The following TNFRSF21 variants were observed in gnomAD, a reference collection of about 807,000 sequenced individuals.
TNFRSF21 encodes tumor necrosis factor receptor superfamily member 21.
TNFRSF21 carries 19 observed loss-of-function variants against 45.6 expected under a neutral mutation model. The observed-to-expected ratio is 0.42, with a 90% CI of 0.29 to 0.61. The LOEUF is 0.61. TNFRSF21 is among the 20% of genes least tolerant of loss of function. The pLI, the probability that TNFRSF21 is intolerant of heterozygous loss-of-function variation, is 0.23. For synonymous variants in TNFRSF21, 314 were observed against 335.5 expected, an observed-to-expected ratio of 0.94 and a Z score of 0.70; for missense variants, 737 against 851.5, an observed-to-expected ratio of 0.87 and a Z score of 1.67.
chr6:47,281,902 T>C (rs1762572370), intron 3 of TNFRSF21, among the ~76,000 whole-genome samples: 1 of 152,000 alleles, frequency 6.6e-6, no homozygotes, highest in Admixed American at 6.6e-5. Flanking sequence ...TAAATAGTTG[T>C]CTTATTCAAG....
chr6:47,271,947 A>G (rs929958111), intron 3 of TNFRSF21, among the ~76,000 whole-genome samples: 11 of 152,232 alleles, frequency 7.2e-5, no homozygotes, highest in African/African-American at 2.4e-4. Flanking sequence ...AAAGGGATCA[A>G]TTTGACAAGA....
chr6:47,309,298 C>A, intron 1 of TNFRSF21, 118 bp downstream of exon 1: 1 of 1,382,448 alleles, frequency 7.2e-7, no homozygotes, highest in East Asian at 3.0e-5. Context: ...GTGCCCGTAA[C>A]CCAGTCGGCC....
intron 4 of TNFRSF21, among the ~76,000 whole-genome samples, chr6:47,241,217 T>C (rs921765437): frequency 1.3e-5 from 2 of 152,206 alleles, no homozygotes; most frequent in African/African-American, 4.8e-5. Context: ...GGATTTCAGA[T>C]ATAAATAAGG....
chr6:47,287,393 CT>C (rs1762667493), intron 1 of TNFRSF21, among the ~76,000 whole-genome samples: 1 of 143,082 alleles, frequency 7.0e-6, no homozygotes, highest in Non-Finnish European at 1.5e-5. Context: ...AACTTGCTGA[CT>C]TTTTAACATT....
intron 3 of TNFRSF21, among the ~76,000 whole-genome samples, chr6:47,281,583 G>C (rs1003468914): frequency 6.6e-6 from 1 of 152,132 alleles, no homozygotes; most frequent in Non-Finnish European, 1.5e-5. Flanking sequence ...GTTTCGCCAT[G>C]TTGGCCAGGC....
intron 2 of TNFRSF21, among the ~76,000 whole-genome samples, chr6:47,284,681 C>T (rs776393030): frequency 6.6e-6 from 1 of 152,214 alleles, no homozygotes; most frequent in Non-Finnish European, 1.5e-5. Context: ...CTTAAGGATC[C>T]AACAGCTGAG....
Position 47,281,465 on chromosome 6 carries a change from C to T in TNFRSF21, c.1243+2473G>A, listed in dbSNP as rs139044907. 3.2e-3 allele frequency among the ~76,000 whole-genome samples: 493 copies of T among 151,970 alleles called. 9 individuals are homozygous for T. The East Asian group carries it at 0.034, about 10-fold the overall frequency. ...GCACGATCCTGGCTCACTGCAACCT[C>T]CGCCTCCCAGGTTCAAGTGATTCTC... is the stretch of plus-strand genomic sequence containing the variant. On this transcript the variant is annotated intron_variant, in intron 3 of 5. Coordinates refer to ENST00000296861, the MANE Select transcript of TNFRSF21 (RefSeq NM_014452.5).
At position 47,239,393 on chromosome 6, in the gene TNFRSF21, TG is replaced by T. The variant is rs1228961542; in HGVS notation, c.1510-4496del. 3.1e-4 allele frequency among the ~76,000 whole-genome samples: 47 copies of T among 151,878 alleles called. 1 individual carries two copies. The highest frequency in any genetic ancestry group is 5.9e-5 in the Non-Finnish European group (4 of 67,996). The stretch of plus-strand genomic sequence containing the variant: ...CCCTGTTGACTGACCTTTCCTGAGA[TG>T]ACACACTGGTGGAGGTTGCAGTATT... On this transcript the variant is annotated intron_variant, in intron 4 of 5. Transcript: ENST00000296861.
chr6:47,280,923 T>C (rs1762557659), intron 3 of TNFRSF21, among the ~76,000 whole-genome samples: 1 of 152,170 alleles, frequency 6.6e-6, no homozygotes, highest in African/African-American at 2.4e-5. Flanking sequence ...GAGAGGACAG[T>C]TCCAGATATT....
At chr6:47,243,613 T>A (rs535915266) in intron 4 of TNFRSF21, among the ~76,000 whole-genome samples, 1 of 152,202 alleles carries the variant, frequency 6.6e-6, no homozygotes, top group African/African-American at 2.4e-5. Flanking sequence ...AGATGGGGTT[T>A]CACCATGTTG....
intron 3 of TNFRSF21, among the ~76,000 whole-genome samples, chr6:47,281,551 C>T (rs115149637): frequency 0.028 from 4,201 of 152,152 alleles, 202 homozygotes; most frequent in African/African-American, 0.096. Context: ...TGGCTAATTA[C>T]TGTATTTTTA....
chr6:47,291,675 A>T (rs959166738), intron 1 of TNFRSF21, among the ~76,000 whole-genome samples: 1 of 152,348 alleles, frequency 6.6e-6, no homozygotes, highest in East Asian at 1.9e-4. Context: ...CTCTGCCTAA[A>T]CCAAGCATCT....
At position 47,309,478 on chromosome 6, in the gene TNFRSF21, C is replaced by A; in HGVS notation, c.34G>T (p.Ala12Ser). 6.5e-7 allele frequency: 1 copy of A among 1,526,914 alleles called. No individual in the cohort carries two copies. The highest frequency in any genetic ancestry group is 8.7e-7 in the Non-Finnish European group (1 of 1,144,418). 94.6% of individuals were successfully genotyped at this position (1,526,914 alleles called of 1,614,324 possible). ...GTSPSSSTAL[A>S]SCSRIARRAT... ...CGGCGGGCGATGCGGCTGCAGGAGG[C>A]GAGGGCGGTGCTGCTGCTCGGAGAG... The change falls in exon 1 of 6, where the codon GCC (alanine) becomes TCC (serine). Residue 12 changes from alanine to serine, a missense_variant. By Grantham distance (99) the Ala-to-Ser change is moderately conservative (BLOSUM62 1). Transcript: ENST00000296861.
intron 3 of TNFRSF21, among the ~76,000 whole-genome samples, chr6:47,275,165 A>G (rs1762479455): frequency 6.6e-6 from 1 of 152,224 alleles, no homozygotes; most frequent in South Asian, 2.1e-4. Context: ...TTATACACCC[A>G]AAGGATTATA....
intron 3 of TNFRSF21, among the ~76,000 whole-genome samples, chr6:47,270,081 A>T (rs530365971): frequency 6.6e-6 from 1 of 152,178 alleles, no homozygotes; most frequent in Non-Finnish European, 1.5e-5. Context: ...ATAACTTAAG[A>T]AAGTTTTTAC....
intron 4 of TNFRSF21, among the ~76,000 whole-genome samples, chr6:47,245,123 A>T (rs1473965555): frequency 6.7e-6 from 1 of 149,566 alleles, no homozygotes; most frequent in African/African-American, 2.5e-5. Flanking sequence ...GGGAAATGTC[A>T]TCCACTAACA....
At chr6:47,302,218 G>A (rs949997669) in intron 1 of TNFRSF21, among the ~76,000 whole-genome samples, 22 of 152,066 alleles carry the variant, frequency 1.4e-4, no homozygotes, top group Admixed American at 1.4e-3. Flanking sequence ...CATGACCTCT[G>A]ACACCCCTCA....
At chr6:47,305,870 C>T (rs907677190) in intron 1 of TNFRSF21, among the ~76,000 whole-genome samples, 1 of 152,166 alleles carries the variant, frequency 6.6e-6, no homozygotes, top group African/African-American at 2.4e-5. Context: ...GCGAGCTCCC[C>T]GAGGGCAAGG....
intron 1 of TNFRSF21, among the ~76,000 whole-genome samples, chr6:47,297,510 CT>C (rs55690288): frequency 0.13 from 15,361 of 117,390 alleles, 365 homozygotes; most frequent in Middle Eastern, 0.15. Context: ...TCTCTTTTTA[CT>C]TTTTTTTTTT....
Sources: allele counts gnomAD v4.1 joint callset (sites outside exome capture counted in the v4.1 genomes callset), GRCh38; gene constraint gnomAD v4.1.1; transcripts MANE v1.5; gene names NCBI Gene and HGNC (gene_info 2026-07-23, HGNC 2026-07-21).